RSPO4: variants seen among roughly 807,000 people sequenced by gnomAD.
The protein encoded by RSPO4 is R-spondin 4, also known as R-spondin-4.
Under a neutral mutation model 24.8 loss-of-function variants are expected in RSPO4, and 23 were observed. That is an observed-to-expected ratio of 0.93 (90% CI 0.67 to 1.31). The LOEUF (loss-of-function observed/expected upper bound fraction) is 1.31, where lower values mean the gene tolerates loss of function less well. Ranked by LOEUF, RSPO4 falls within the 40% of genes most tolerant of loss-of-function variation. The pLI is 0.00. For synonymous variants in RSPO4, 141 were observed against 127.4 expected, an observed-to-expected ratio of 1.11 and a Z score of -0.72; for missense variants, 333 against 316.5, an observed-to-expected ratio of 1.05 and a Z score of -0.39.
intron 1 of RSPO4, among the ~76,000 whole-genome samples, chr20:988,393 T>C (rs538707967): frequency 1.8e-4 from 28 of 152,194 alleles, no homozygotes; most frequent in African/African-American, 6.7e-4. Flanking sequence ...GTCATTCTGG[T>C]GGCCTGGACG....
chr20:986,654 TG>T (rs2122251702), intron 1 of RSPO4, among the ~76,000 whole-genome samples: 1 of 88,528 alleles, frequency 1.1e-5, no homozygotes, highest in African/African-American at 4.5e-5. Flanking sequence ...GCATTGGGGG[TG>T]GGGGGTGGGG....
chr20:979,133 T>C (rs1187765101), intron 1 of RSPO4, among the ~76,000 whole-genome samples: 1 of 152,102 alleles, frequency 6.6e-6, no homozygotes, highest in Non-Finnish European at 1.5e-5. Flanking sequence ...TTCTGAAATA[T>C]GTCTGGGAAT....
intron 1 of RSPO4, among the ~76,000 whole-genome samples, chr20:980,855 T>C (rs1984713491): frequency 6.6e-6 from 1 of 152,216 alleles, no homozygotes; most frequent in African/African-American, 2.4e-5. Context: ...TGCCCAGGGT[T>C]GTACGTGCAT....
At chr20:975,892 G>A (rs1984548406) in intron 1 of RSPO4, among the ~76,000 whole-genome samples, 1 of 152,240 alleles carries the variant, frequency 6.6e-6, no homozygotes, top group South Asian at 2.1e-4. Flanking sequence ...AAAGGAGATG[G>A]TACGTGAAAA....
At chr20:964,991 G>A (rs781554973) in intron 3 of RSPO4, among the ~76,000 whole-genome samples, 15 of 152,050 alleles carry the variant, frequency 9.9e-5, no homozygotes, top group South Asian at 2.1e-4. Context: ...AGCAGACACA[G>A]CAAGCTCAAG....
intron 3 of RSPO4, among the ~76,000 whole-genome samples, chr20:965,129 G>A (rs1381663915): frequency 6.6e-6 from 1 of 152,162 alleles, no homozygotes; most frequent in Admixed American, 6.5e-5. Context: ...AGGGTCTGCA[G>A]GCCTCCTGGA....
At chr20:980,835 G>A (rs1012561479) in intron 1 of RSPO4, among the ~76,000 whole-genome samples, 8 of 152,148 alleles carry the variant, frequency 5.3e-5, no homozygotes, top group Admixed American at 1.3e-4. Context: ...TTGTTTTAAC[G>A]TTTATGGTGT....
intron 1 of RSPO4, among the ~76,000 whole-genome samples, chr20:976,524 G>T (rs980392876): frequency 1.1e-4 from 16 of 152,158 alleles, no homozygotes; most frequent in Non-Finnish European, 2.2e-4. Flanking sequence ...CAAGCACCTT[G>T]TTTCAACAGG....
rs1168164824 is a variant in RSPO4 at position 967,247 on chromosome 20, G to C, written c.336C>G (p.Tyr112Ter). Residue 112 changes from tyrosine (Y) to a stop codon, truncating the protein, a stop_gained, in exon 3 of 5, where the codon TAC becomes TAG. Coordinates refer to ENST00000217260, the MANE Select transcript of RSPO4 (RefSeq NM_001029871.4). LOFTEE classifies it high-confidence loss of function. ...TGGGCAGACACTTCCCCTTGTACAA[G>C]TAAAACTGCCTCTTGCACCGGATGC... is the stretch of plus-strand genomic sequence containing the variant. ...DFCIRCKRQF[Y>*]LYKGKCLPTC... 3.1e-6 allele frequency: 5 copies of C among 1,614,212 alleles called. No individual in the cohort carries two copies. The East Asian group carries it at 1.1e-4, about 36-fold the overall frequency.
intron 1 of RSPO4, among the ~76,000 whole-genome samples, chr20:977,599 G>A (rs1984604930): frequency 6.6e-6 from 1 of 152,182 alleles, no homozygotes; most frequent in Non-Finnish European, 1.5e-5. Context: ...CAGAGTTTTT[G>A]GTTTTGATGC....
intron 1 of RSPO4, among the ~76,000 whole-genome samples, chr20:979,029 C>T (rs1004648400): frequency 2.0e-4 from 30 of 152,322 alleles, no homozygotes; most frequent in Admixed American, 3.3e-4. Flanking sequence ...TCAATGGCTA[C>T]TCCACTCAGG....
At chr20:996,841 C>G (rs73604105) in intron 1 of RSPO4, among the ~76,000 whole-genome samples, 10,623 of 151,220 alleles carry the variant, frequency 0.07, 418 homozygotes, top group East Asian at 0.14. Context: ...AGTCCCTTGT[C>G]CCCTCCACCT....
At chr20:982,153 C>T (rs139291726) in intron 1 of RSPO4, among the ~76,000 whole-genome samples, 2 of 152,198 alleles carry the variant, frequency 1.3e-5, no homozygotes, top group Non-Finnish European at 2.9e-5. Context: ...AGTTCGGGAC[C>T]GGGGCAGAGA....
chr20:997,043 G>C (rs1012345560), intron 1 of RSPO4, among the ~76,000 whole-genome samples: 3 of 152,240 alleles, frequency 2.0e-5, no homozygotes, highest in Admixed American at 1.3e-4. Flanking sequence ...TCTGGGTCCA[G>C]GTCCTGGCTC....
At chr20:976,643 C>T (rs1268564456) in intron 1 of RSPO4, among the ~76,000 whole-genome samples, 6 of 152,032 alleles carry the variant, frequency 3.9e-5, no homozygotes, top group Non-Finnish European at 5.9e-5. Context: ...CATCTGCCTT[C>T]ACTCTGCAGA....
chr20:988,035 G>A (rs78195383), intron 1 of RSPO4, among the ~76,000 whole-genome samples: 2,952 of 152,324 alleles, frequency 0.019, 83 homozygotes, highest in African/African-American at 0.058. Context: ...GGCCTGGGCT[G>A]CCTGGAAGGG....
intron 1 of RSPO4, among the ~76,000 whole-genome samples, chr20:977,966 C>T (rs912714662): frequency 5.3e-5 from 8 of 152,190 alleles, no homozygotes; most frequent in Admixed American, 2.6e-4. Flanking sequence ...GGGAGGCAGT[C>T]GCCACTGCTG....
At chr20:960,534 G>T in intron 4 of RSPO4, 68 bp from the exon 5 acceptor site, 3 of 1,208,026 alleles carry the variant, frequency 2.5e-6, no homozygotes, top group Non-Finnish European at 3.5e-6. Flanking sequence ...AGCCTCCTCA[G>T]TCCTGAAAGA....
intron 1 of RSPO4, among the ~76,000 whole-genome samples, chr20:978,358 C>T (rs1183352541): frequency 6.6e-6 from 1 of 152,226 alleles, no homozygotes; most frequent in Non-Finnish European, 1.5e-5. Flanking sequence ...CTTAGCACAG[C>T]TCACGGCAGA....
Sources: allele counts gnomAD v4.1 joint callset (sites outside exome capture counted in the v4.1 genomes callset), GRCh38; gene constraint gnomAD v4.1.1; transcripts MANE v1.5; gene names NCBI Gene and HGNC (gene_info 2026-07-23, HGNC 2026-07-21).